Variants in HNRNPUL2 observed in about 807,000 individuals in gnomAD.
The protein encoded by HNRNPUL2 is heterogeneous nuclear ribonucleoprotein U-like protein 2.
A neutral mutation model predicts 102.2 loss-of-function variants in HNRNPUL2; 27 were observed. That is an observed-to-expected ratio of 0.26 (90% confidence interval 0.19 to 0.36). HNRNPUL2 has a LOEUF of 0.36. HNRNPUL2 is among the 10% of genes least tolerant of loss of function. HNRNPUL2 has a pLI of 1.00. For missense variants in HNRNPUL2, 936 were observed against 981.1 expected, an observed-to-expected ratio of 0.95 and a Z score of 0.61; for synonymous variants, 458 against 387.2, an observed-to-expected ratio of 1.18 and a Z score of -2.15.
In HNRNPUL2 at chr11:62,720,144, C is replaced by G. The variant is rs145339191; in HGVS notation, c.1659G>C (p.Lys553Asn). The G allele has an allele frequency of 2.5e-6, 4 of 1,614,092 alleles. No individual in the cohort carries two copies. The African/African-American group carries it at 4.0e-5, about 16-fold the overall frequency. ...CCACCACCACTTTCCGAGAGAAGGT[C>G]TTGAACAGCAATAGCTTCCGCCGTT... The part of the protein sequence containing the change: ...SGQRRKLLLF[K>N]TFSRKVVVVV... Residue 553 changes from lysine to asparagine, a missense_variant, in exon 10 of 14, where the codon AAG becomes AAC. Around this residue, in one of 2 missense-constraint regions of HNRNPUL2, gnomAD observed 609 missense variants for 713.0 expected, o/e 0.85. Coordinates refer to ENST00000301785, the MANE Select transcript of HNRNPUL2 (RefSeq NM_001079559.3).
In HNRNPUL2 at chr11:62,726,902, G is replaced by C. The variant is rs1167668746; in HGVS notation, c.255C>G (p.Asp85Glu). ...EEEDEEEEEE[D>E]EEALLEDEDE... ...CCTCGTCCTCAAGCAGCGCCTCCTCGTCCTCCTCCTCCTCCTCTTCGTCCT... is the reference window on the plus strand; with the variant it reads ...CCTCGTCCTCAAGCAGCGCCTCCTCCTCCTCCTCCTCCTCCTCTTCGTCCT... Residue 85 changes from aspartate (D) to glutamate (E), a missense_variant, in exon 1 of 14, where the codon GAC (aspartate) becomes GAG (glutamate). Transcript: ENST00000301785. 2 of 1,556,104 alleles carry C rather than the reference G, an allele frequency of 1.3e-6. No individual in the cohort carries two copies. Among genetic ancestry groups the C allele is most frequent in the Admixed American group, 1.8e-5 (1 of 54,468 alleles).
rs988380415 is a variant in HNRNPUL2, at chr11:62,722,156, T to C, written c.1320A>G (p.Val440=). Residue 440 remains valine (V), a synonymous_variant, in exon 7 of 14, where the codon GTA becomes GTG. Transcript: ENST00000301785. The part of the protein sequence containing the change: ...FIHAVPVEER[V]RTAVPPKTIE... ...TGGTCTTGGGAGGGACTGCAGTGCG[T>C]ACACGCTCCTCAACAGGCACAGCAT... 3 of 1,614,136 alleles carry C rather than the reference T, an allele frequency of 1.9e-6. No individual in the cohort carries two copies. The highest frequency in any genetic ancestry group is 2.5e-6 in the Non-Finnish European group (3 of 1,180,040).
At position 62,726,869 on chromosome 11, in the gene HNRNPUL2, CTCCTCG is replaced by C. The variant is rs752689054; in HGVS notation, c.282_287del (p.Asp94_Glu95del). ...GACCCAAGGCTTGAGCAGGGGGTGGCTCCTCGTCCTCGTCCTCAAGCAGCGCCTCCT... is the reference window on the plus strand; with the variant it reads ...GACCCAAGGCTTGAGCAGGGGGTGGCTCCTCGTCCTCAAGCAGCGCCTCCT... On this transcript the variant is annotated inframe_deletion, in exon 1 of 14. Coordinates refer to ENST00000301785, the MANE Select transcript of HNRNPUL2 (RefSeq NM_001079559.3). 5.1e-6 allele frequency: 8 copies of C among 1,581,634 alleles called. No homozygotes were observed. The highest frequency in any genetic ancestry group is 1.4e-5 in the African/African-American group (1 of 72,970).
Position 62,722,341 on chromosome 11 carries a change from T to G in HNRNPUL2, c.1135A>C (p.Asn379His). 1 of 1,613,462 alleles carries G rather than the reference T, an allele frequency of 6.2e-7. No individual in the cohort carries two copies. Among genetic ancestry groups the G allele is most frequent in the Non-Finnish European group, 8.5e-7 (1 of 1,179,394 alleles). Residue 379 changes from asparagine to histidine, a missense_variant, in exon 7 of 14, where the codon AAT (asparagine) becomes CAT (histidine). Asn to His is a moderately conservative substitution (Grantham distance 68, BLOSUM62 1). Around this residue, in one of 2 missense-constraint regions of HNRNPUL2, gnomAD observed 609 missense variants for 713.0 expected, o/e 0.85. Transcript: ENST00000301785. The stretch of plus-strand genomic sequence containing the variant: ...AATGCCACACCTAGGTCTTCTCCAT[T>G]CTTGGAGAAGGAAAGTTCTACTTCT... ...TEEVELSFSK[N>H]GEDLGVAFWI...
At chr11:62,726,437 G>A (rs1013328379) in intron 1 of HNRNPUL2, among the ~76,000 whole-genome samples, 182 bp downstream of exon 1, 2 of 152,218 alleles carry the variant, frequency 1.3e-5, no homozygotes, top group African/African-American at 4.8e-5. Context: ...CTCCTGCAAA[G>A]AGTAGGGCCA....
intron 11 of HNRNPUL2, 86 bp from the exon 12 acceptor site, chr11:62,716,023 A>G: frequency 9.6e-7 from 1 of 1,039,914 alleles, no homozygotes; most frequent in Non-Finnish European, 1.4e-6. Flanking sequence ...CTTGGAGCCA[A>G]AGGCAATTCT....
chr11:62,720,938 G>C (rs1036662093), intron 9 of HNRNPUL2, among the ~76,000 whole-genome samples: 2 of 149,760 alleles, frequency 1.3e-5, no homozygotes, highest in African/African-American at 4.9e-5. Context: ...CAATACACAT[G>C]ATCTTCTTTA....
chr11:62,719,972 G>A (rs2083688009), intron 10 of HNRNPUL2, 51 bp downstream of exon 10: 2 of 1,519,228 alleles, frequency 1.3e-6, no homozygotes, highest in Admixed American at 1.7e-5. Context: ...TACAAATTAT[G>A]AAGTCTATGG....
chr11:62,723,020 C>T (rs1358749251), intron 4 of HNRNPUL2, 117 bp from the exon 5 acceptor site: 2 of 716,296 alleles, frequency 2.8e-6, no homozygotes, highest in Non-Finnish European at 4.8e-6. Context: ...AACTCAACAT[C>T]AGAATAACAA....
At position 62,713,825 on chromosome 11, in the gene HNRNPUL2, T is replaced by C. The variant is rs2083637408; in HGVS notation, c.*1474A>G. 1 of 152,270 alleles carries C rather than the reference T, an allele frequency of 6.6e-6. No individual in the cohort carries two copies. The highest frequency in any genetic ancestry group is 6.5e-5 in the Admixed American group (1 of 15,284). 9.4% of individuals were successfully genotyped at this position (152,270 alleles called of 1,614,324 possible). A position where few individuals can be genotyped will look rare whatever the true frequency, so the allele number is the denominator to read the frequency against. On this transcript the variant is annotated 3_prime_UTR_variant, in exon 14 of 14. Coordinates refer to ENST00000301785, the MANE Select transcript of HNRNPUL2 (RefSeq NM_001079559.3). ...TGCTGAGTAAGCTCTTGGCTGACAG[T>C]GCTGAGCAGGAGGATGAATGAAAAC...
In HNRNPUL2 at chr11:62,715,239, G is replaced by C. The variant is rs1487210910; in HGVS notation, c.*60C>G. On this transcript the variant is annotated 3_prime_UTR_variant, in exon 14 of 14. Transcript: ENST00000301785. Reference sequence around the variant, plus strand: ...TGTTTTCCTTGGTTGTGTTTTGCGGGGGTGCCTGGCACCCCCAGAGATTCA... The same window carrying C: ...TGTTTTCCTTGGTTGTGTTTTGCGGCGGTGCCTGGCACCCCCAGAGATTCA... 2 of 1,397,360 alleles carry C rather than the reference G, an allele frequency of 1.4e-6. No individual in the cohort carries two copies. The highest frequency in any genetic ancestry group is 1.5e-5 in the African/African-American group (1 of 67,970). 86.6% of individuals were successfully genotyped at this position (1,397,360 alleles called of 1,614,324 possible).
rs199647392 is a variant in HNRNPUL2 at position 62,717,098 on chromosome 11, C to A, written c.1872G>T (p.Lys624Asn). 2 of 1,614,068 alleles carry A rather than the reference C, an allele frequency of 1.2e-6. No individual in the cohort carries two copies. Among genetic ancestry groups the A allele is most frequent in the African/African-American group, 1.3e-5 (1 of 74,914 alleles). Reference protein sequence around the residue: ...EKEEAQPIVTKYKEEARKLLP... With the variant: ...EKEEAQPIVTNYKEEARKLLP... Reference sequence around the variant, plus strand: ...GAAGCTTCCTTGCCTCCTCCTTGTACTTAGTGACAATGGGCTGAGCTTCCT... The same window carrying A: ...GAAGCTTCCTTGCCTCCTCCTTGTAATTAGTGACAATGGGCTGAGCTTCCT... Residue 624 changes from lysine (K) to asparagine (N), a missense_variant, in exon 11 of 14, where the codon AAG (lysine) becomes AAT (asparagine). Physicochemically the swap from Lys to Asn is moderately conservative, Grantham distance 94. Coordinates refer to ENST00000301785, the MANE Select transcript of HNRNPUL2 (RefSeq NM_001079559.3).
Position 62,715,341 on chromosome 11 carries a change from G to A in HNRNPUL2, c.2202C>T (p.Asp734=). The A allele has an allele frequency of 6.2e-7, 1 of 1,613,372 alleles. No homozygotes were observed. The highest frequency in any genetic ancestry group is 8.5e-7 in the Non-Finnish European group (1 of 1,179,832). The change falls in exon 14 of 14, where the codon GAC becomes GAT. Residue 734 remains aspartate (D), a synonymous_variant. Coordinates refer to ENST00000301785, the MANE Select transcript of HNRNPUL2 (RefSeq NM_001079559.3). The part of the protein sequence containing the change: ...SYYYHHPQDR[D]RYYRNYYGYQ... ...ACCCGTAGTAATTCCTGTAGTATCG[G>A]TCTCTGTCCTGGGGGTGGTGGTAGT...
rs948090112 is a variant in HNRNPUL2 at position 62,722,899 on chromosome 11, G to A, written c.896C>T (p.Thr299Ile). 6.2e-7 allele frequency: 1 copy of A among 1,613,866 alleles called. No individual in the cohort carries two copies. Residue 299 changes from threonine to isoleucine, a missense_variant, in exon 5 of 14, where the codon ACC (threonine) becomes ATC (isoleucine). Thr to Ile is a moderately conservative substitution (Grantham distance 89). This residue lies in a region of HNRNPUL2 where 609 missense variants were observed against 713.0 expected (regional missense o/e 0.85). Coordinates refer to ENST00000301785, the MANE Select transcript of HNRNPUL2 (RefSeq NM_001079559.3). ...GCCTTCTTTCATTGGGAGATTCTGG[G>A]TTACCTGGCCAAGTCAGAAAGGGAA... ...KGKVCFEAKV[T>I]QNLPMKEGCT... is the part of the protein sequence containing the mutation.
In HNRNPUL2 at chr11:62,727,239, GCCGCCCGCCT is replaced by G; in HGVS notation, c.-93_-84del. 2.3e-6 allele frequency: 3 copies of G among 1,301,614 alleles called. No homozygotes were observed. The South Asian group carries it at 6.1e-5, about 27-fold the overall frequency. 80.6% of individuals were successfully genotyped at this position (1,301,614 alleles called of 1,614,324 possible). Reference sequence around the variant, plus strand: ...GTCCGACCGCGCAGGCGCCGCCGCCGCCGCCCGCCTCCGCCTCACGCGCCAGCACTGAGCC... The same window carrying G: ...GTCCGACCGCGCAGGCGCCGCCGCCGCCGCCTCACGCGCCAGCACTGAGCC... On this transcript the variant is annotated 5_prime_UTR_variant, in exon 1 of 14. Coordinates refer to ENST00000301785, the MANE Select transcript of HNRNPUL2 (RefSeq NM_001079559.3).
rs777062589 is a variant in HNRNPUL2, at chr11:62,724,336, T to C, written c.629A>G (p.His210Arg). ...TCGGAATTCATAGTAAGCTCGGCCA[T>C]GTTCATCCTTCTCATCCCGCTGTCT... Reference protein sequence around the residue: ...VKRQRDEKDEHGRAYYEFREE... With the variant: ...VKRQRDEKDERGRAYYEFREE... Residue 210 changes from histidine to arginine, a missense_variant, in exon 2 of 14, where the codon CAT becomes CGT. Transcript: ENST00000301785. 6 of 1,614,222 alleles carry C rather than the reference T, an allele frequency of 3.7e-6. No homozygotes were observed. The highest frequency in any genetic ancestry group is 1.1e-5 in the South Asian group (1 of 91,080).
intron 4 of HNRNPUL2, 44 bp downstream of exon 4, chr11:62,723,543 C>G: frequency 1.3e-6 from 2 of 1,529,394 alleles, no homozygotes; most frequent in Non-Finnish European, 1.8e-6. Flanking sequence ...CCGTAAGCAT[C>G]CAGTAATAAA....
rs1034312617 is a variant in HNRNPUL2 at position 62,713,363 on chromosome 11, C to T, written c.*1936G>A. ...TTTCTTTGGGCTCCAGTTTTTACCT[C>T]CTTGCCTTGACATTATAAGCAAAGC... On this transcript the variant is annotated 3_prime_UTR_variant, in exon 14 of 14. Transcript: ENST00000301785. 2.0e-5 allele frequency: 3 copies of T among 152,212 alleles called. No homozygotes were observed. The highest frequency in any genetic ancestry group is 7.2e-5 in the African/African-American group (3 of 41,446). The allele number at this position is 152,212 out of a possible 1,614,324, so 9.4% of individuals were successfully genotyped here.
intron 9 of HNRNPUL2, among the ~76,000 whole-genome samples, 195 bp downstream of exon 9, chr11:62,721,100 A>T (rs919581275): frequency 5.3e-5 from 8 of 152,146 alleles, no homozygotes; most frequent in Admixed American, 5.2e-4. Flanking sequence ...TGTCTTTATT[A>T]CATGTTTTAT....
Sources: allele counts gnomAD v4.1 joint callset (sites outside exome capture counted in the v4.1 genomes callset), GRCh38; gene constraint gnomAD v4.1.1; regional missense constraint gnomAD v4.1.1; transcripts MANE v1.5; gene names NCBI Gene and HGNC (gene_info 2026-07-23, HGNC 2026-07-21).